PLCB4: variants seen among roughly 807,000 people sequenced by gnomAD.
PLCB4 encodes 1-phosphatidylinositol 4,5-bisphosphate phosphodiesterase beta-4.
Under a neutral mutation model 178.8 loss-of-function variants are expected in PLCB4, and 77 were observed. That is an observed-to-expected ratio of 0.43 (90% CI 0.36 to 0.52). PLCB4 has a LOEUF of 0.52. Ranked by LOEUF, PLCB4 falls within the 20% of genes least tolerant of loss-of-function variation. The pLI is 0.00. For missense variants in PLCB4, 1,024 were observed against 1,453.4 expected (o/e 0.70, Z 4.80); for synonymous variants, 496 against 490.8 (o/e 1.01, Z -0.14).
chr20:9,279,174 C>A (rs2094473857), intron 3 of PLCB4, among the ~76,000 whole-genome samples: 1 of 152,006 alleles, frequency 6.6e-6, no homozygotes, highest in South Asian at 2.1e-4. Context: ...AAAGTTAAAC[C>A]TAAAATTAAA....
At chr20:9,291,437 G>A (rs537467526) in intron 3 of PLCB4, among the ~76,000 whole-genome samples, 2 of 152,164 alleles carry the variant, frequency 1.3e-5, no homozygotes, top group East Asian at 3.9e-4. Flanking sequence ...GGCCTGAAAA[G>A]GTGACACTTT....
intron 2 of PLCB4, among the ~76,000 whole-genome samples, chr20:9,192,303 T>A (rs191688303): frequency 2.2e-4 from 33 of 152,264 alleles, no homozygotes; most frequent in African/African-American, 7.7e-4. Flanking sequence ...TGTGATGACT[T>A]AACCTAATAT....
chr20:9,401,574 C>G lies in PLCB4; in HGVS notation c.1595C>G (p.Ala532Gly), dbSNP rs777509266. Residue 532 changes from alanine (A) to glycine (G), a missense_variant, in exon 20 of 40, where the codon GCA becomes GGA. By Grantham distance (60) the Ala-to-Gly change is moderately conservative. Coordinates refer to ENST00000378473, the MANE Select transcript of PLCB4 (RefSeq NM_001377142.1). ...GACTTGGGTCACAAGGAAGCTGTTG[C>G]AAATAGCGTCAAGAAGGTCAGAGTC... ...ADDLGHKEAV[A>G]NSVKKASDDL... 6 of 1,610,620 alleles carry G rather than the reference C, an allele frequency of 3.7e-6. No individual in the cohort carries two copies. Among genetic ancestry groups the G allele is most frequent in the Non-Finnish European group, 5.1e-6 (6 of 1,177,014 alleles).
chr20:9,480,200 T>C lies in PLCB4; in HGVS notation c.*1191T>C, dbSNP rs1023352208. The stretch of plus-strand genomic sequence containing the variant: ...TTTGCTACAGTGTTAATCTGCATGG[T>C]CTTTAAGCCTGCTGTAGTTGAGTTG... On this transcript the variant is annotated 3_prime_UTR_variant, in exon 40 of 40. Coordinates refer to ENST00000378473, the MANE Select transcript of PLCB4 (RefSeq NM_001377142.1). The C allele has an allele frequency of 1.3e-5, 2 of 152,654 alleles. No homozygotes were observed. Among genetic ancestry groups the C allele is most frequent in the Non-Finnish European group, 2.9e-5 (2 of 68,050 alleles). The allele number at this position is 152,654 out of a possible 1,614,324, so 9.5% of individuals were successfully genotyped here.
intron 35 of PLCB4, among the ~76,000 whole-genome samples, chr20:9,461,350 A>G (rs979452102): frequency 1.3e-5 from 2 of 152,184 alleles, no homozygotes; most frequent in African/African-American, 4.8e-5. Flanking sequence ...GATGCAGAAG[A>G]TGGGTGATTT....
intron 2 of PLCB4, among the ~76,000 whole-genome samples, chr20:9,153,548 A>G (rs548777513): frequency 2.3e-3 from 353 of 152,212 alleles, no homozygotes; most frequent in African/African-American, 7.4e-3. Context: ...GGCCTCCCTA[A>G]CCATGTGGAA....
At chr20:9,336,000 A>G (rs192021717) in intron 4 of PLCB4, among the ~76,000 whole-genome samples, 5 of 152,312 alleles carry the variant, frequency 3.3e-5, no homozygotes, top group Admixed American at 3.3e-4. Flanking sequence ...GTTCCCCTGT[A>G]ATTTAGAAAG....
At chr20:9,408,810 T>C in intron 23 of PLCB4, 93 bp downstream of exon 23, 1 of 739,686 alleles carries the variant, frequency 1.4e-6, no homozygotes, top group Non-Finnish European at 2.4e-6. Context: ...CTCATTCTGG[T>C]GGTGGAGTTC....
intron 4 of PLCB4, among the ~76,000 whole-genome samples, chr20:9,326,137 G>A (rs977052546): frequency 6.6e-6 from 1 of 152,234 alleles, no homozygotes; most frequent in South Asian, 2.1e-4. Flanking sequence ...TTCAGCATAG[G>A]AATTTTTGGT....
intron 3 of PLCB4, among the ~76,000 whole-genome samples, chr20:9,293,408 AG>A (rs1297912322): frequency 2.7e-5 from 4 of 147,696 alleles, no homozygotes. Flanking sequence ...AGGAAAGGGA[AG>A]GGAAGGGAAG....
At chr20:9,425,577 A>G (rs2040940149) in intron 28 of PLCB4, among the ~76,000 whole-genome samples, 1 of 152,242 alleles carries the variant, frequency 6.6e-6, no homozygotes, top group African/African-American at 2.4e-5. Context: ...CTGTATTTAC[A>G]ATGTAGCTTA....
chr20:9,429,707 G>A (rs190129396), intron 28 of PLCB4, among the ~76,000 whole-genome samples: 202 of 152,222 alleles, frequency 1.3e-3, no homozygotes, highest in African/African-American at 4.5e-3. Context: ...AGCACTCTTC[G>A]TATCTACCTA....
At chr20:9,098,585 A>G (rs1276159782) in intron 2 of PLCB4, among the ~76,000 whole-genome samples, 1 of 151,096 alleles carries the variant, frequency 6.6e-6, no homozygotes, top group South Asian at 2.1e-4. Context: ...GTATGTGGCA[A>G]TTAATTCGAA....
At chr20:9,467,839 A>G (rs552463485) in intron 35 of PLCB4, among the ~76,000 whole-genome samples, 37 of 152,302 alleles carry the variant, frequency 2.4e-4, no homozygotes, top group African/African-American at 7.9e-4. Flanking sequence ...AGTGCTTTCA[A>G]TAGATCTCCA....
intron 2 of PLCB4, among the ~76,000 whole-genome samples, chr20:9,155,941 G>A (rs942400788): frequency 1.3e-5 from 2 of 152,136 alleles, no homozygotes; most frequent in African/African-American, 2.4e-5. Context: ...AATAAGTTAC[G>A]AGTGAGGAGA....
intron 19 of PLCB4, among the ~76,000 whole-genome samples, chr20:9,396,748 C>A (rs13039878): frequency 0.06 from 9,122 of 152,196 alleles, 294 homozygotes; most frequent in Middle Eastern, 0.11. Flanking sequence ...ATTTTTGTTT[C>A]CCAATGCATA....
At chr20:9,173,153 G>T (rs993478502) in intron 2 of PLCB4, among the ~76,000 whole-genome samples, 1 of 152,154 alleles carries the variant, frequency 6.6e-6, no homozygotes, top group East Asian at 1.9e-4. Context: ...GTGGTCTGGG[G>T]TGTAGCGTTG....
chr20:9,111,697 A>G (rs1219697123), intron 2 of PLCB4, among the ~76,000 whole-genome samples: 1 of 152,226 alleles, frequency 6.6e-6, no homozygotes, highest in Non-Finnish European at 1.5e-5. Context: ...ACTTCTTTTA[A>G]CACAAATGGA....
chr20:9,280,645 T>C (rs932564149), intron 3 of PLCB4, among the ~76,000 whole-genome samples: 1 of 151,996 alleles, frequency 6.6e-6, no homozygotes, highest in Non-Finnish European at 1.5e-5. Context: ...GATTTTGTAC[T>C]ATGAACCTAG....
Sources: gnomAD v4.1 joint callset for allele counts (sites outside exome capture counted in the v4.1 genomes callset) on GRCh38, gnomAD v4.1.1 for gene constraint, MANE v1.5 for transcripts, NCBI Gene and HGNC (gene_info 2026-07-23, HGNC 2026-07-21) for gene names.